The following RBMS3 variants were observed in gnomAD, a reference collection of about 807,000 sequenced individuals.
RBMS3 encodes RNA-binding motif, single-stranded-interacting protein 3.
Under a neutral mutation model 66.8 loss-of-function variants are expected in RBMS3, and 27 were observed. The ratio of observed to expected loss-of-function variants is 0.40; its 90% confidence interval spans 0.30 to 0.56. The LOEUF is 0.56. Among genes scored for constraint, RBMS3 ranks in the 20% least tolerant of loss-of-function variants. RBMS3 has a pLI of 0.40. For synonymous variants in RBMS3, 188 were observed against 183.0 expected, an observed-to-expected ratio of 1.03 and a Z score of -0.22; for missense variants, 513 against 549.5, an observed-to-expected ratio of 0.93 and a Z score of 0.66.
intron 6 of RBMS3, among the ~76,000 whole-genome samples, chr3:29,793,457 A>G (rs2057081894): frequency 6.6e-6 from 1 of 152,232 alleles, no homozygotes; most frequent in African/African-American, 2.4e-5. Flanking sequence ...ATAAAAAAGC[A>G]TGTCACATTT....
At chr3:29,581,831 C>A (rs2047339586) in intron 3 of RBMS3, among the ~76,000 whole-genome samples, 1 of 151,994 alleles carries the variant, frequency 6.6e-6, no homozygotes, top group South Asian at 2.1e-4. Context: ...TGTTGATGGC[C>A]CTGCAAATCT....
At position 29,371,177 on chromosome 3, in the gene RBMS3, A is replaced by C. The variant is rs117479671; in HGVS notation, c.76-63566A>C. 1.1e-4 allele frequency among the ~76,000 whole-genome samples: 17 copies of C among 152,342 alleles called. No individual in the cohort carries two copies. The East Asian group carries it at 2.9e-3, about 26-fold the overall frequency. ...TCTTCTCTGACAAAGCTGTTCACTC[A>C]TACCTGTGGTTTCTGCCACCCAACC... On this transcript the variant is annotated intron_variant, in intron 1 of 14. Coordinates refer to ENST00000383767, the MANE Select transcript of RBMS3 (RefSeq NM_001003793.3).
chr3:29,368,612 T>C (rs1027922204), intron 1 of RBMS3, among the ~76,000 whole-genome samples: 1 of 151,630 alleles, frequency 6.6e-6, no homozygotes, highest in African/African-American at 2.4e-5. Flanking sequence ...TGAAGAAAAA[T>C]GAGATTTTTT....
At chr3:29,692,175 T>G (rs1456339926) in intron 4 of RBMS3, among the ~76,000 whole-genome samples, 1 of 151,786 alleles carries the variant, frequency 6.6e-6, no homozygotes, top group Non-Finnish European at 1.5e-5. Context: ...AGAGATGGGG[T>G]TTCACCATGT....
At chr3:29,285,844 G>A (rs905438702) in intron 1 of RBMS3, among the ~76,000 whole-genome samples, 1 of 152,062 alleles carries the variant, frequency 6.6e-6, no homozygotes, top group Non-Finnish European at 1.5e-5. Context: ...ACGGAGCAAA[G>A]GATATTCTTA....
At chr3:29,606,436 T>G (rs2048323608) in intron 4 of RBMS3, among the ~76,000 whole-genome samples, 1 of 152,064 alleles carries the variant, frequency 6.6e-6, no homozygotes, top group African/African-American at 2.4e-5. Context: ...TAAAATTTAC[T>G]GGATCCCAGA....
In RBMS3 at chr3:29,648,058, CAT is replaced by C. The variant is rs1467689115; in HGVS notation, c.399+60857_399+60858del. Among the ~76,000 whole-genome samples, 3 of 152,098 alleles carry C rather than the reference CAT, an allele frequency of 2.0e-5. No individual in the cohort carries two copies. The East Asian group carries it at 5.8e-4, about 29-fold the overall frequency. On this transcript the variant is annotated intron_variant, in intron 4 of 14. Transcript: ENST00000383767. ...AGTGGGATGGGCAGACCACATAAAA[CAT>C]ATAACAATTTGTAACCTGAATATTT...
At position 29,340,570 on chromosome 3, in the gene RBMS3, C is replaced by A. The variant is rs1351641845; in HGVS notation, c.75+58814C>A. On this transcript the variant is annotated intron_variant, in intron 1 of 14. Coordinates refer to ENST00000383767, the MANE Select transcript of RBMS3 (RefSeq NM_001003793.3). Reference sequence around the variant, plus strand: ...TTATAGCGTCAGTTCCAAGTTTGTACTAGAGAGATTTGACAAAATGCCACA... The same window carrying A: ...TTATAGCGTCAGTTCCAAGTTTGTAATAGAGAGATTTGACAAAATGCCACA... 2.0e-5 allele frequency among the ~76,000 whole-genome samples: 3 copies of A among 152,202 alleles called. No homozygotes were observed. The East Asian group carries it at 5.8e-4, about 29-fold the overall frequency.
intron 1 of RBMS3, among the ~76,000 whole-genome samples, chr3:29,307,997 T>C (rs76416750): frequency 6.6e-6 from 1 of 151,866 alleles, no homozygotes; most frequent in Non-Finnish European, 1.5e-5. Flanking sequence ...ACTTTTGCTT[T>C]TGAGTTAAAT....
chr3:29,725,394 T>C (rs1207534173), intron 4 of RBMS3, among the ~76,000 whole-genome samples: 2 of 151,982 alleles, frequency 1.3e-5, no homozygotes, highest in African/African-American at 4.8e-5. Context: ...GATAGAGACA[T>C]GAAAAATGTT....
chr3:29,444,637 T>C (rs575360615), intron 2 of RBMS3, among the ~76,000 whole-genome samples: 1 of 151,864 alleles, frequency 6.6e-6, no homozygotes, highest in South Asian at 2.1e-4. Context: ...TCAAGAAATA[T>C]AGGGAGAGAG....
At chr3:29,634,299 C>T (rs534357288) in intron 4 of RBMS3, among the ~76,000 whole-genome samples, 2 of 152,028 alleles carry the variant, frequency 1.3e-5, no homozygotes, top group South Asian at 2.1e-4. Flanking sequence ...AATATGGACA[C>T]ATTTCTCATT....
chr3:29,928,455 T>A (rs1326840534), intron 10 of RBMS3, among the ~76,000 whole-genome samples: 6 of 151,926 alleles, frequency 3.9e-5, no homozygotes, highest in Non-Finnish European at 7.4e-5. Context: ...TGTCTTTGAT[T>A]TTTTTTGTCT....
chr3:29,957,112 C>T (rs545960353), intron 12 of RBMS3, among the ~76,000 whole-genome samples: 2 of 152,042 alleles, frequency 1.3e-5, no homozygotes. Context: ...GGAAGGTTGC[C>T]TTATCCTTTT....
chr3:29,432,346 T>C (rs1315347358), intron 1 of RBMS3, among the ~76,000 whole-genome samples: 1 of 152,122 alleles, frequency 6.6e-6, no homozygotes, highest in Non-Finnish European at 1.5e-5. Context: ...GAATTGGGAA[T>C]GAGAGAATAG....
intron 2 of RBMS3, among the ~76,000 whole-genome samples, chr3:29,462,385 A>T (rs2042401275): frequency 6.6e-6 from 1 of 152,186 alleles, no homozygotes; most frequent in Admixed American, 6.5e-5. Flanking sequence ...GCTTTCTTGC[A>T]TGTACATTAT....
chr3:29,324,488 G>A (rs1010515419), intron 1 of RBMS3, among the ~76,000 whole-genome samples: 11 of 152,154 alleles, frequency 7.2e-5, no homozygotes, highest in Non-Finnish European at 1.0e-4. Context: ...GGCTTGCTAC[G>A]TAACCTGGAA....
intron 3 of RBMS3, among the ~76,000 whole-genome samples, chr3:29,561,108 T>C (rs2046534741): frequency 3.9e-5 from 1 of 25,880 alleles, no homozygotes; most frequent in Admixed American, 5.5e-4. Flanking sequence ...CCATGGTGCC[T>C]ATGTACCACA....
chr3:29,807,406 G>A (rs570030044), intron 6 of RBMS3, among the ~76,000 whole-genome samples: 2 of 151,858 alleles, frequency 1.3e-5, no homozygotes, highest in Admixed American at 1.3e-4. Flanking sequence ...ATTGGAAGAC[G>A]ATTTTGCACT....
Sources: gnomAD v4.1 joint callset for allele counts (sites outside exome capture counted in the v4.1 genomes callset) on GRCh38, gnomAD v4.1.1 for gene constraint, MANE v1.5 for transcripts, NCBI Gene and HGNC (gene_info 2026-07-23, HGNC 2026-07-21) for gene names.